ANKRD28: variants seen among roughly 807,000 people sequenced by gnomAD.
ANKRD28 encodes the protein serine/threonine-protein phosphatase 6 regulatory ankyrin repeat subunit A.
In ANKRD28, 44 loss-of-function variants were observed where a neutral mutation model predicts 126.5. That is an observed-to-expected ratio of 0.35 (90% CI 0.27 to 0.45). The LOEUF (loss-of-function observed/expected upper bound fraction) is 0.45. Ranked by LOEUF, ANKRD28 falls within the 20% of genes least tolerant of loss-of-function variation. The pLI is 1.00. For missense variants in ANKRD28, 1,110 were observed against 1,316.6 expected (o/e 0.84, Z 2.43); for synonymous variants, 442 against 468.5 (o/e 0.94, Z 0.73).
intron 21 of ANKRD28, among the ~76,000 whole-genome samples, chr3:15,682,833 C>T (rs115661246): frequency 1.1e-4 from 17 of 152,234 alleles, no homozygotes; most frequent in African/African-American, 2.6e-4. Context: ...TCTATATAGT[C>T]GCTTATTGCA....
intron 2 of ANKRD28, among the ~76,000 whole-genome samples, chr3:15,770,413 C>CATAT (rs56802776): frequency 0.024 from 3,584 of 147,098 alleles, 129 homozygotes; most frequent in African/African-American, 0.072. Flanking sequence ...CATATATATA[C>CATAT]ATATATATAT....
chr3:15,822,250 G>A (rs774256114), intron 1 of ANKRD28, among the ~76,000 whole-genome samples: 3 of 152,164 alleles, frequency 2.0e-5, no homozygotes, highest in African/African-American at 4.8e-5. Flanking sequence ...CAACACAGAA[G>A]CAATTTCTAA....
At chr3:15,783,088 G>C (rs550829029) in intron 2 of ANKRD28, among the ~76,000 whole-genome samples, 1 of 151,484 alleles carries the variant, frequency 6.6e-6, no homozygotes, top group Non-Finnish European at 1.5e-5. Flanking sequence ...GATAAATGTG[G>C]ATGTCATCAA....
intron 4 of ANKRD28, among the ~76,000 whole-genome samples, chr3:15,741,658 A>AGAGGCTCCACAGTACCAGTTTTCC (rs2075482159): frequency 7.0e-6 from 1 of 142,976 alleles, no homozygotes. Flanking sequence ...TCAGTATAGA[A>AGAGGCTCCACAGTACCAGTTTTCC]GAGGCTCCAC....
intron 14 of ANKRD28, among the ~76,000 whole-genome samples, chr3:15,705,335 T>C (rs1320294718): frequency 6.6e-6 from 1 of 152,160 alleles, no homozygotes; most frequent in Non-Finnish European, 1.5e-5. Flanking sequence ...GTTTTGTGTG[T>C]GTGTGAATTC....
Position 15,845,947 on chromosome 3 carries a change from C to T in ANKRD28, c.27+13430G>A, listed in dbSNP as rs2061521098. Among the ~76,000 whole-genome samples the T allele has an allele frequency of 1.3e-5, 2 of 152,098 alleles. No homozygotes were observed. The highest frequency in any genetic ancestry group is 4.8e-5 in the African/African-American group (2 of 41,414). ...CCCCAACAATCCAATAGCATCTCACCAGTCCCCTCCTCTGACACATGGAGA... is the reference window on the plus strand; with the variant it reads ...CCCCAACAATCCAATAGCATCTCACTAGTCCCCTCCTCTGACACATGGAGA... On this transcript the variant is annotated intron_variant, in intron 1 of 27. Transcript: ENST00000399451. The surrounding 1 kb of genome is among the most constrained non-coding windows in gnomAD (Gnocchi z 4.9).
intron 1 of ANKRD28, among the ~76,000 whole-genome samples, chr3:15,804,251 G>A (rs1032262327): frequency 6.9e-6 from 1 of 145,076 alleles, no homozygotes; most frequent in Non-Finnish European, 1.5e-5. Context: ...AGTATATACT[G>A]AAGGCCGAGA....
chr3:15,713,388 C>A, intron 10 of ANKRD28, 139 bp downstream of exon 10: 1 of 616,252 alleles, frequency 1.6e-6, no homozygotes, highest in South Asian at 2.1e-5. Context: ...ACCACTTTGT[C>A]AATACAAAAG....
At chr3:15,774,694 T>TA (rs898247234) in intron 2 of ANKRD28, among the ~76,000 whole-genome samples, 2 of 152,034 alleles carry the variant, frequency 1.3e-5, no homozygotes, top group African/African-American at 2.4e-5. Flanking sequence ...AAACAAGGCA[T>TA]AAAAAATTAA....
intron 1 of ANKRD28, among the ~76,000 whole-genome samples, chr3:15,829,522 T>C (rs2061144065): frequency 6.6e-6 from 1 of 152,236 alleles, no homozygotes; most frequent in Non-Finnish European, 1.5e-5. Context: ...TCCATTGGTC[T>C]AACTGAACTT....
intron 2 of ANKRD28, among the ~76,000 whole-genome samples, chr3:15,767,194 A>T (rs1029071328): frequency 6.6e-6 from 1 of 152,190 alleles, no homozygotes; most frequent in African/African-American, 2.4e-5. Context: ...CCAGAAAACA[A>T]CAGTGCTCTC....
chr3:15,677,388 G>T, intron 25 of ANKRD28, 92 bp downstream of exon 25: 1 of 887,522 alleles, frequency 1.1e-6, no homozygotes. Flanking sequence ...GAGAGGTTTG[G>T]TCCTGAGTTG....
At chr3:15,678,846 TA>T (rs2067228169) in intron 23 of ANKRD28, among the ~76,000 whole-genome samples, 1 of 152,226 alleles carries the variant, frequency 6.6e-6, no homozygotes, top group Non-Finnish European at 1.5e-5. Context: ...TTTTATAATG[TA>T]AAAATAATTG....
Position 15,735,400 on chromosome 3 carries a change from A to C in ANKRD28, c.640+10T>G, listed in dbSNP as rs200576804. 9.6e-4 allele frequency: 1,460 copies of C among 1,525,580 alleles called. 2 individuals are homozygous for C. The highest frequency in any genetic ancestry group is 1.2e-3 in the Non-Finnish European group (1,375 of 1,136,562). 94.5% of individuals were successfully genotyped at this position (1,525,580 alleles called of 1,614,324 possible). On this transcript the variant is annotated intron_variant, in intron 6 of 27. Coordinates refer to ENST00000683139, the MANE Select transcript of ANKRD28 (RefSeq NM_001349278.2). ...TATAATATCAAAAACTAAATTTAAA[A>C]AGTACATACCCATATATGCTGCCCA...
intron 2 of ANKRD28, among the ~76,000 whole-genome samples, chr3:15,773,267 T>A (rs970003031): frequency 1.3e-5 from 2 of 152,176 alleles, no homozygotes; most frequent in Admixed American, 6.5e-5. Flanking sequence ...TCATTTAGAA[T>A]AGCATCAAAA....
At chr3:15,763,794 CA>C (rs1157703203) in intron 3 of ANKRD28, among the ~76,000 whole-genome samples, 3 of 152,148 alleles carry the variant, frequency 2.0e-5, no homozygotes, top group African/African-American at 7.2e-5. Flanking sequence ...AGATAATGTA[CA>C]GCTCTAAGGC....
At chr3:15,739,353 G>A (rs1157015974) in intron 4 of ANKRD28, among the ~76,000 whole-genome samples, 2 of 152,152 alleles carry the variant, frequency 1.3e-5, no homozygotes, top group Non-Finnish European at 2.9e-5. Context: ...ACTAATAAAT[G>A]TCCATGAAAT....
At chr3:15,763,897 G>A (rs1310390922) in intron 3 of ANKRD28, among the ~76,000 whole-genome samples, 4 of 152,114 alleles carry the variant, frequency 2.6e-5, no homozygotes, top group African/African-American at 7.2e-5. Flanking sequence ...AGCTACATGA[G>A]CTATATTACC....
chr3:15,708,549 G>A (rs2470513), intron 13 of ANKRD28, among the ~76,000 whole-genome samples: 75,222 of 151,808 alleles, frequency 0.5, 20,527 homozygotes, highest in Middle Eastern at 0.61. Flanking sequence ...TCAACTCAAA[G>A]CATTTTTCAG....
Sources: allele counts gnomAD v4.1 joint callset (sites outside exome capture counted in the v4.1 genomes callset), GRCh38; gene constraint gnomAD v4.1.1; non-coding constraint Gnocchi (gnomAD v3.1); transcripts MANE v1.5; gene names NCBI Gene and HGNC (gene_info 2026-07-23, HGNC 2026-07-21).